Variants in DLC1 observed in about 807,000 individuals in gnomAD.
The protein encoded by DLC1 is DLC1 Rho GTPase activating protein, also known as rho GTPase-activating protein 7.
DLC1 carries 54 observed loss-of-function variants against 140.3 expected under a neutral mutation model. That is an observed-to-expected ratio of 0.38 (90% confidence interval 0.31 to 0.48). The LOEUF (loss-of-function observed/expected upper bound fraction) is 0.48, where lower values mean the gene tolerates loss of function less well. Ranked by LOEUF, DLC1 falls within the 20% of genes least tolerant of loss-of-function variation. The pLI, the probability that DLC1 is intolerant of heterozygous loss-of-function variation, is 0.96. For synonymous variants in DLC1, 986 were observed against 728.1 expected (o/e 1.35, Z -5.70); for missense variants, 2,536 against 1,907.0 (o/e 1.33, Z -6.14).
intron 3 of DLC1, 51 bp downstream of exon 3, chr8:13,401,419 G>T (rs745863173): frequency 7.5e-6 from 12 of 1,600,628 alleles, no homozygotes; most frequent in Middle Eastern, 2.3e-4. Context: ...ACTGTATAAG[G>T]TCAAGAGTTA....
intron 4 of DLC1, among the ~76,000 whole-genome samples, chr8:13,352,944 C>A (rs1834743243): frequency 6.6e-6 from 1 of 152,000 alleles, no homozygotes; most frequent in African/African-American, 2.4e-5. Context: ...TGGAAATACA[C>A]TAAAAAAAAT....
intron 1 of DLC1, among the ~76,000 whole-genome samples, chr8:13,552,508 A>G (rs948709518): frequency 1.3e-5 from 2 of 151,278 alleles, no homozygotes; most frequent in African/African-American, 4.8e-5. Context: ...TAATCTTATG[A>G]TAGAAGTATC....
At chr8:13,458,191 T>C (rs1434345438) in intron 2 of DLC1, among the ~76,000 whole-genome samples, 1 of 152,174 alleles carries the variant, frequency 6.6e-6, no homozygotes, top group Non-Finnish European at 1.5e-5. Context: ...TTATCTGAGA[T>C]AAAAATTTTT....
At chr8:13,143,846 G>GAGAGAGAGAGAGAGACAGAGAGAGAC in intron 5 of DLC1, among the ~76,000 whole-genome samples, 1 of 148,386 alleles carries the variant, frequency 6.7e-6, no homozygotes, top group Non-Finnish European at 1.5e-5. Context: ...GAGAGAGAGA[G>GAGAGAGAGAGAGAGACAGAGAGAGAC]AGAGAGACAT....
chr8:13,389,882 G>T (rs1005072317), intron 4 of DLC1, among the ~76,000 whole-genome samples: 7 of 152,116 alleles, frequency 4.6e-5, no homozygotes, highest in Non-Finnish European at 8.8e-5. Flanking sequence ...AGAGCAGAGG[G>T]TTAGTTCATT....
intron 5 of DLC1, among the ~76,000 whole-genome samples, chr8:13,128,109 G>A (rs1484502470): frequency 6.6e-6 from 1 of 151,664 alleles, no homozygotes; most frequent in Admixed American, 6.6e-5. Context: ...AAGAGAAACT[G>A]ATTTCCACTG....
intron 5 of DLC1, among the ~76,000 whole-genome samples, chr8:13,193,567 C>A (rs191463586): frequency 6.6e-6 from 1 of 152,262 alleles, no homozygotes; most frequent in African/African-American, 2.4e-5. Flanking sequence ...AAGCATTTAT[C>A]TTTATTTCTG....
rs554498809 is a variant in DLC1, at chr8:13,186,642, C to T, written c.1349-70985G>A. ...TTTGTTATTACTGACCTTCTGAAGC[C>T]TACTTCTGTCAACTCATCAAAGTCA... On this transcript the variant is annotated intron_variant, in intron 5 of 17. Transcript: ENST00000276297. Among the ~76,000 whole-genome samples, 309 of 152,304 alleles carry T rather than the reference C, an allele frequency of 2.0e-3. 1 individual carries two copies. The highest frequency in any genetic ancestry group is 7.3e-3 in the African/African-American group (303 of 41,576).
At position 13,287,069 on chromosome 8, in the gene DLC1, C is replaced by T. The variant is rs73665938; in HGVS notation, c.1348+18200G>A. On this transcript the variant is annotated intron_variant, in intron 5 of 17. Transcript: ENST00000276297. ...GTGTGTATATGTGTTGGGAGACTCT[C>T]GTTAATAAATTTAAGAAATGTGGTG... is the stretch of plus-strand genomic sequence containing the variant. Among the ~76,000 whole-genome samples the T allele has an allele frequency of 3.8e-3, 579 of 152,082 alleles. 7 individuals carry two copies. The highest frequency in any genetic ancestry group is 0.012 in the African/African-American group (511 of 41,514).
At chr8:13,131,886 T>C (rs935684737) in intron 5 of DLC1, among the ~76,000 whole-genome samples, 5 of 152,092 alleles carry the variant, frequency 3.3e-5, no homozygotes, top group Non-Finnish European at 7.4e-5. Flanking sequence ...CCAGGGGCTG[T>C]GCGCTGAAGG....
chr8:13,306,553 TG>T (rs1832436274), intron 4 of DLC1, among the ~76,000 whole-genome samples: 2 of 137,466 alleles, frequency 1.5e-5, no homozygotes, highest in Non-Finnish European at 3.2e-5. Context: ...TGTGTGTGTG[TG>T]TGTTTGTGTG....
intron 5 of DLC1, among the ~76,000 whole-genome samples, chr8:13,191,090 A>T (rs377741973): frequency 2.0e-5 from 3 of 152,224 alleles, no homozygotes; most frequent in African/African-American, 7.2e-5. Context: ...TTCAAAAGAA[A>T]GGTGAGAAAG....
intron 6 of DLC1, among the ~76,000 whole-genome samples, chr8:13,114,752 A>C (rs1820404987): frequency 6.6e-6 from 1 of 152,224 alleles, no homozygotes; most frequent in African/African-American, 2.4e-5. Context: ...TGACATGAAT[A>C]AATGCTCATT....
intron 5 of DLC1, among the ~76,000 whole-genome samples, chr8:13,163,687 A>G (rs923476535): frequency 1.3e-5 from 2 of 152,132 alleles, no homozygotes; most frequent in Non-Finnish European, 2.9e-5. Context: ...GGAGCTAGCT[A>G]GATCAAGATC....
At chr8:13,451,128 T>A (rs1218811822) in intron 2 of DLC1, among the ~76,000 whole-genome samples, 3 of 137,348 alleles carry the variant, frequency 2.2e-5, no homozygotes, top group African/African-American at 8.1e-5. Flanking sequence ...CGAAATAAAG[T>A]AAGAGTAAAT....
chr8:13,183,266 G>A (rs1448509111), intron 5 of DLC1, among the ~76,000 whole-genome samples: 1 of 152,174 alleles, frequency 6.6e-6, no homozygotes, highest in Non-Finnish European at 1.5e-5. Context: ...TGCAAACAGG[G>A]ACAATTTGAC....
intron 2 of DLC1, among the ~76,000 whole-genome samples, chr8:13,457,593 T>C (rs112182662): frequency 4.5e-4 from 63 of 140,406 alleles, no homozygotes; most frequent in African/African-American, 1.3e-3. Context: ...AGGAGAATGA[T>C]GTGAACCTGG....
rs562794983 is a variant in DLC1 at position 13,149,779 on chromosome 8, C to G, written c.1349-34122G>C. On this transcript the variant is annotated intron_variant, in intron 5 of 17. Coordinates refer to ENST00000276297, the MANE Select transcript of DLC1 (RefSeq NM_182643.3). ...AGCTATAAACAAACTTTAGTCCCCA[C>G]TGGTTAAGGCTGGAATAAAACAGGT... is the stretch of plus-strand genomic sequence containing the variant. Among the ~76,000 whole-genome samples, 3 of 152,354 alleles carry G rather than the reference C, an allele frequency of 2.0e-5. No homozygotes were observed. In the South Asian group the frequency reaches 6.2e-4, roughly 32 times the overall value.
At chr8:13,553,156 A>G (rs1803920076) in intron 1 of DLC1, among the ~76,000 whole-genome samples, 1 of 147,076 alleles carries the variant, frequency 6.8e-6, no homozygotes, top group South Asian at 2.2e-4. Context: ...AATTATCAAT[A>G]AAGTAACATT....
Sources: gnomAD v4.1 joint callset for allele counts (sites outside exome capture counted in the v4.1 genomes callset) on GRCh38, gnomAD v4.1.1 for gene constraint, MANE v1.5 for transcripts, NCBI Gene and HGNC (gene_info 2026-07-23, HGNC 2026-07-21) for gene names.